NRG3: variants seen among roughly 807,000 people sequenced by gnomAD.
NRG3 encodes the protein pro-neuregulin-3, membrane-bound isoform.
NRG3 carries 31 observed loss-of-function variants against 66.9 expected under a neutral mutation model. The observed-to-expected ratio is 0.46, with a 90% confidence interval of 0.35 to 0.63. The LOEUF (loss-of-function observed/expected upper bound fraction) is 0.63. Ranked by LOEUF, NRG3 falls within the 20% of genes least tolerant of loss-of-function variation. NRG3 has a pLI of 0.00. For synonymous variants in NRG3, 393 were observed against 359.4 expected (o/e 1.09, Z -1.06); for missense variants, 910 against 878.9 (o/e 1.04, Z -0.45).
chr10:82,704,992 C>T (rs956848387), intron 2 of NRG3, among the ~76,000 whole-genome samples: 3 of 151,938 alleles, frequency 2.0e-5, no homozygotes, highest in Non-Finnish European at 4.4e-5. Flanking sequence ...AGAAATCATG[C>T]AAAAAGTAAA....
intron 4 of NRG3, among the ~76,000 whole-genome samples, chr10:82,875,871 A>G (rs575616061): frequency 6.6e-6 from 1 of 152,338 alleles, no homozygotes; most frequent in African/African-American, 2.4e-5. Context: ...GGTACCTCCT[A>G]TTGGGAGAAG....
At chr10:82,647,161 G>A (rs867391572) in intron 2 of NRG3, among the ~76,000 whole-genome samples, 34 of 150,248 alleles carry the variant, frequency 2.3e-4, no homozygotes, top group Admixed American at 5.3e-4. Context: ...CCACTCCCCC[G>A]ACCCCACAAC....
At chr10:82,880,759 G>A (rs1471247091) in intron 4 of NRG3, among the ~76,000 whole-genome samples, 3 of 152,178 alleles carry the variant, frequency 2.0e-5, no homozygotes, top group Non-Finnish European at 4.4e-5. Context: ...TTTCAGAGAT[G>A]TAACAAATAC....
rs191851071 is a variant in NRG3, at chr10:82,448,142, G to T, written c.953+89274G>T. On this transcript the variant is annotated intron_variant, in intron 2 of 8. Transcript: ENST00000372141. ...GGATAATTTCCAGTCAGTGTCTGGA[G>T]GATATCTTCAGCCATTAGAATCATA... 3.2e-4 allele frequency among the ~76,000 whole-genome samples: 48 copies of T among 152,300 alleles called. No homozygotes were observed. The East Asian group carries it at 8.5e-3, about 27-fold the overall frequency.
chr10:82,002,631 C>T (rs1034172750), intron 1 of NRG3, among the ~76,000 whole-genome samples: 2 of 152,250 alleles, frequency 1.3e-5, no homozygotes, highest in East Asian at 3.9e-4. Flanking sequence ...CTGTCTAGGT[C>T]CCATGCTTGG....
At chr10:82,036,234 G>A (rs2062784907) in intron 1 of NRG3, among the ~76,000 whole-genome samples, 1 of 152,048 alleles carries the variant, frequency 6.6e-6, no homozygotes. Flanking sequence ...ATTTTAGGCT[G>A]TTAGACCAGA....
At chr10:81,971,327 G>C (rs1432035334) in intron 1 of NRG3, among the ~76,000 whole-genome samples, 3 of 152,186 alleles carry the variant, frequency 2.0e-5, no homozygotes, top group Non-Finnish European at 2.9e-5. Flanking sequence ...TGGCATATGG[G>C]TGGTATAGAA....
At chr10:81,918,945 A>T (rs775446569) in intron 1 of NRG3, among the ~76,000 whole-genome samples, 32 of 147,602 alleles carry the variant, frequency 2.2e-4, no homozygotes, top group Non-Finnish European at 3.7e-4. Flanking sequence ...ATTTATTTCA[A>T]ATCATTAACT....
Position 81,983,293 on chromosome 10 carries a change from C to T in NRG3, c.823+107130C>T, listed in dbSNP as rs1333279135. Among the ~76,000 whole-genome samples the T allele has an allele frequency of 6.6e-5, 10 of 152,110 alleles. 1 individual carries two copies. Among genetic ancestry groups the T allele is most frequent in the Admixed American group, 5.9e-4 (9 of 15,270 alleles). On this transcript the variant is annotated intron_variant, in intron 1 of 8. Transcript: ENST00000372141. ...TAAAATAAAAATTGTTCTAGGATAC[C>T]TGGAATGCACAGCAATTGCTCCTTT...
At chr10:82,928,301 T>TGATGATAGTTTATTTTGCTGTGCA (rs1242819097) in intron 4 of NRG3, among the ~76,000 whole-genome samples, 1 of 152,220 alleles carries the variant, frequency 6.6e-6, no homozygotes, top group Admixed American at 6.5e-5. Flanking sequence ...CTGTTCACTC[T>TGATGATAGTTTATTTTGCTGTGCA]GATGATAGTT....
chr10:82,770,767 T>G (rs1001365016), intron 3 of NRG3, among the ~76,000 whole-genome samples: 3 of 152,122 alleles, frequency 2.0e-5, no homozygotes, highest in Non-Finnish European at 4.4e-5. Context: ...GGCAGGAAAC[T>G]CATTGTCCTC....
chr10:82,214,000 C>T (rs1420776252), intron 1 of NRG3, among the ~76,000 whole-genome samples: 1 of 152,124 alleles, frequency 6.6e-6, no homozygotes, highest in Non-Finnish European at 1.5e-5. Context: ...CTGAATTTCT[C>T]AGACGCTGCC....
intron 2 of NRG3, among the ~76,000 whole-genome samples, chr10:82,629,631 A>G (rs2049675148): frequency 6.6e-6 from 1 of 152,226 alleles, no homozygotes; most frequent in South Asian, 2.1e-4. Flanking sequence ...CCATGGATGT[A>G]TATGCTTGAG....
chr10:82,877,058 G>A (rs1358252058), intron 4 of NRG3, among the ~76,000 whole-genome samples: 2 of 151,622 alleles, frequency 1.3e-5, no homozygotes, highest in Non-Finnish European at 2.9e-5. Context: ...GTAATTCTCA[G>A]AGTTATCAGA....
At chr10:82,014,143 G>A (rs530369366) in intron 1 of NRG3, among the ~76,000 whole-genome samples, 26 of 152,274 alleles carry the variant, frequency 1.7e-4, no homozygotes, top group Admixed American at 1.7e-3. Context: ...AGCTCTTGAG[G>A]AATTTAGAAA....
At chr10:82,815,534 T>C (rs952080666) in intron 3 of NRG3, among the ~76,000 whole-genome samples, 5 of 152,150 alleles carry the variant, frequency 3.3e-5, no homozygotes, top group African/African-American at 9.7e-5. Context: ...CTTTCCCCCA[T>C]GTGGCTAGAA....
chr10:82,214,117 G>C (rs939886091), intron 1 of NRG3, among the ~76,000 whole-genome samples: 1 of 152,172 alleles, frequency 6.6e-6, no homozygotes, highest in Admixed American at 6.5e-5. Flanking sequence ...AATATTCACT[G>C]AGACTCCCTT....
intron 1 of NRG3, among the ~76,000 whole-genome samples, chr10:82,286,535 G>A (rs1396844408): frequency 1.3e-5 from 2 of 152,100 alleles, no homozygotes; most frequent in African/African-American, 2.4e-5. Context: ...GTAACAATGT[G>A]CAGACAATTT....
At chr10:82,604,450 T>C (rs2047832838) in intron 2 of NRG3, among the ~76,000 whole-genome samples, 1 of 152,196 alleles carries the variant, frequency 6.6e-6, no homozygotes, top group Non-Finnish European at 1.5e-5. Flanking sequence ...GAAGGCCATT[T>C]TGGTTGCTGT....
Sources: gnomAD v4.1 joint callset for allele counts (sites outside exome capture counted in the v4.1 genomes callset) on GRCh38, gnomAD v4.1.1 for gene constraint, MANE v1.5 for transcripts, NCBI Gene and HGNC (gene_info 2026-07-23, HGNC 2026-07-21) for gene names.